The following CADPS variants were observed in gnomAD, a reference collection of about 807,000 sequenced individuals.
The protein encoded by CADPS is calcium-dependent secretion activator 1.
Under a neutral mutation model 167.3 loss-of-function variants are expected in CADPS, and 57 were observed. The observed-to-expected ratio is 0.34, with a 90% CI of 0.28 to 0.42. The LOEUF is 0.42. Ranked by LOEUF, CADPS falls within the 20% of genes least tolerant of loss-of-function variation. CADPS has a pLI of 1.00. For missense variants in CADPS, 1,414 were observed against 1,738.1 expected (o/e 0.81, Z 3.32); for synonymous variants, 676 against 635.3 (o/e 1.06, Z -0.96).
chr3:62,432,342 A>T (rs1250627753), intron 28 of CADPS, among the ~76,000 whole-genome samples: 3 of 152,166 alleles, frequency 2.0e-5, no homozygotes, highest in Non-Finnish European at 4.4e-5. Context: ...AGAAAGCTCA[A>T]AAGTGGCAGA....
chr3:62,710,795 A>G (rs1225007908), intron 3 of CADPS, among the ~76,000 whole-genome samples: 3 of 152,218 alleles, frequency 2.0e-5, no homozygotes, highest in South Asian at 4.1e-4. Context: ...GGAAATAGTA[A>G]GATTAATCTT....
intron 3 of CADPS, among the ~76,000 whole-genome samples, chr3:62,738,689 G>T (rs1458397151): frequency 3.3e-5 from 5 of 152,082 alleles, no homozygotes; most frequent in African/African-American, 1.2e-4. Context: ...TTGTAGCATT[G>T]CACTCTAGCC....
chr3:62,647,200 C>T (rs573657798), intron 5 of CADPS, among the ~76,000 whole-genome samples: 3 of 152,266 alleles, frequency 2.0e-5, no homozygotes, highest in Admixed American at 6.5e-5. Context: ...AATGGTATTA[C>T]ACAAGAAGAA....
chr3:62,580,297 G>A (rs1466083861), intron 8 of CADPS, among the ~76,000 whole-genome samples: 4 of 152,168 alleles, frequency 2.6e-5, no homozygotes, highest in Non-Finnish European at 5.9e-5. Flanking sequence ...GGACATGGAT[G>A]AAACTGGAAA....
At chr3:62,535,529 T>C (rs1238752989) in intron 12 of CADPS, among the ~76,000 whole-genome samples, 1 of 152,010 alleles carries the variant, frequency 6.6e-6, no homozygotes, top group Non-Finnish European at 1.5e-5. Context: ...TTATATAGTA[T>C]AAATATTACA....
At chr3:62,588,114 TG>T (rs1228115277) in intron 7 of CADPS, among the ~76,000 whole-genome samples, 4 of 152,186 alleles carry the variant, frequency 2.6e-5, no homozygotes, top group Non-Finnish European at 2.9e-5. Context: ...CCTAGTTGCC[TG>T]GGCACACAGG....
At chr3:62,583,844 T>G (rs976212371) in intron 8 of CADPS, among the ~76,000 whole-genome samples, 3 of 152,060 alleles carry the variant, frequency 2.0e-5, no homozygotes, top group Non-Finnish European at 4.4e-5. Context: ...TCTGACTGCA[T>G]GCTGCTGTGG....
At chr3:62,526,397 A>G (rs1018286043) in intron 13 of CADPS, among the ~76,000 whole-genome samples, 1 of 152,202 alleles carries the variant, frequency 6.6e-6, no homozygotes, top group Non-Finnish European at 1.5e-5. Flanking sequence ...CCATATGTGA[A>G]GAGCAGCACT....
intron 1 of CADPS, among the ~76,000 whole-genome samples, chr3:62,797,029 C>T (rs1452576628): frequency 2.0e-5 from 3 of 152,060 alleles, no homozygotes; most frequent in African/African-American, 7.2e-5. Context: ...CATATTTTTT[C>T]CTTTATTCTA....
At chr3:62,521,334 G>A (rs1686492145) in intron 13 of CADPS, among the ~76,000 whole-genome samples, 1 of 152,170 alleles carries the variant, frequency 6.6e-6, no homozygotes, top group African/African-American at 2.4e-5. Flanking sequence ...TATTCTGCAA[G>A]AGATACATGG....
At chr3:62,569,354 G>A (rs1359753656) in intron 9 of CADPS, among the ~76,000 whole-genome samples, 2 of 152,146 alleles carry the variant, frequency 1.3e-5, no homozygotes, top group Non-Finnish European at 2.9e-5. Flanking sequence ...CACCCGTCTC[G>A]GCTTCCCAAA....
At chr3:62,643,537 T>C (rs2067886307) in intron 6 of CADPS, among the ~76,000 whole-genome samples, 1 of 152,256 alleles carries the variant, frequency 6.6e-6, no homozygotes, top group African/African-American at 2.4e-5. Context: ...GAATATTTCA[T>C]GCAGGTAGAC....
chr3:62,802,587 G>C (rs2093836815), intron 1 of CADPS, among the ~76,000 whole-genome samples: 1 of 152,174 alleles, frequency 6.6e-6, no homozygotes, highest in Admixed American at 6.5e-5. Context: ...GGATTTCGAT[G>C]AGGGTCGATT....
chr3:62,435,026 A>G (rs2054702478), intron 28 of CADPS, among the ~76,000 whole-genome samples: 1 of 152,142 alleles, frequency 6.6e-6, no homozygotes, highest in African/African-American at 2.4e-5. Context: ...CAACCCCCAA[A>G]CAGCAAACAA....
chr3:62,417,323 C>T lies in CADPS; in HGVS notation c.3778-14138G>A, dbSNP rs564306094. 4.1e-5 allele frequency among the ~76,000 whole-genome samples: 5 copies of T among 120,548 alleles called. No homozygotes were observed. In the East Asian group the frequency reaches 1.1e-3, roughly 27 times the overall value. 79.1% of individuals were successfully genotyped at this position (120,548 alleles called of 152,430 possible). A position where few individuals can be genotyped will look rare whatever the true frequency, so the allele number is the denominator to read the frequency against. ...TTTTTTTGAGACTGTCTTGCTCTGA[C>T]GCCCAGGGTGGAGTGCAGTGGTGCA... On this transcript the variant is annotated intron_variant, in intron 28 of 29. Transcript: ENST00000383710.
chr3:62,599,705 T>TATAA (rs2059487686), intron 6 of CADPS, among the ~76,000 whole-genome samples: 1 of 26,962 alleles, frequency 3.7e-5, no homozygotes, highest in Non-Finnish European at 6.2e-5. Context: ...AATATATATA[T>TATAA]TATATAATAT....
chr3:62,511,537 A>G (rs920648614), intron 17 of CADPS, among the ~76,000 whole-genome samples: 96 of 152,174 alleles, frequency 6.3e-4, no homozygotes, highest in African/African-American at 2.3e-3. Context: ...GCATTAAATA[A>G]GCATTCATTA....
chr3:62,669,973 C>G (rs991206480), intron 3 of CADPS, among the ~76,000 whole-genome samples: 1 of 152,084 alleles, frequency 6.6e-6, no homozygotes, highest in African/African-American at 2.4e-5. Flanking sequence ...AGTAGTTTGC[C>G]TGTAGTTTCA....
At chr3:62,646,161 CTTT>C (rs35748758) in intron 5 of CADPS, among the ~76,000 whole-genome samples, 5 of 129,074 alleles carry the variant, frequency 3.9e-5, no homozygotes, top group Non-Finnish European at 4.9e-5. Context: ...GGAATTGGCT[CTTT>C]TTTTTTTTTT....
Sources: gnomAD v4.1 joint callset for allele counts (sites outside exome capture counted in the v4.1 genomes callset) on GRCh38, gnomAD v4.1.1 for gene constraint, MANE v1.5 for transcripts, NCBI Gene and HGNC (gene_info 2026-07-23, HGNC 2026-07-21) for gene names.